IL1RAP: variants seen among roughly 807,000 people sequenced by gnomAD.
The protein encoded by IL1RAP is interleukin-1 receptor accessory protein.
In IL1RAP, 35 loss-of-function variants were observed where a neutral mutation model predicts 60.7. The observed-to-expected ratio is 0.58, with a 90% CI of 0.44 to 0.76. The LOEUF (loss-of-function observed/expected upper bound fraction) is 0.76. IL1RAP is among the 30% of genes least tolerant of loss of function. The pLI is 0.00. For synonymous variants in IL1RAP, 268 were observed against 250.9 expected, an observed-to-expected ratio of 1.07 and a Z score of -0.64; for missense variants, 572 against 693.9, an observed-to-expected ratio of 0.82 and a Z score of 1.97.
rs1734386277 is a variant in IL1RAP, at chr3:190,651,308, A to G, written c.*2603A>G. On this transcript the variant is annotated 3_prime_UTR_variant, in exon 12 of 12. Transcript: ENST00000447382. The stretch of plus-strand genomic sequence containing the variant: ...AATTCTCTTCTGTATTGTAACTTAG[A>G]TGATTCCCAAGGACTCTAATAAAAA... 4 of 944,194 alleles carry G rather than the reference A, an allele frequency of 4.2e-6. No individual in the cohort carries two copies. The South Asian group carries it at 2.0e-4, about 46-fold the overall frequency. 58.5% of individuals were successfully genotyped at this position (944,194 alleles called of 1,614,324 possible). A position where few individuals can be genotyped will look rare whatever the true frequency, so the allele number is the denominator to read the frequency against.
At chr3:190,520,724 C>A (rs1231661279) in intron 1 of IL1RAP, among the ~76,000 whole-genome samples, 2 of 152,140 alleles carry the variant, frequency 1.3e-5, no homozygotes, top group Non-Finnish European at 2.9e-5. Flanking sequence ...CCTTTTATGT[C>A]TAGTTTATAT....
chr3:190,587,772 G>A (rs994037136), intron 3 of IL1RAP, among the ~76,000 whole-genome samples: 1 of 152,146 alleles, frequency 6.6e-6, no homozygotes, highest in African/African-American at 2.4e-5. Flanking sequence ...AAACCAAGGG[G>A]CTGAGTAAGA....
At chr3:190,642,038 C>G (rs1733695480) in intron 9 of IL1RAP, 1 of 152,140 alleles carries the variant, frequency 6.6e-6, no homozygotes, top group South Asian at 2.1e-4. Flanking sequence ...GATTAATATC[C>G]CCAGTTTAGG....
chr3:190,586,730 T>G (rs1728494506), intron 3 of IL1RAP, among the ~76,000 whole-genome samples: 1 of 151,944 alleles, frequency 6.6e-6, no homozygotes, highest in South Asian at 2.1e-4. Flanking sequence ...GGAGCTGCCT[T>G]CGAGGACAGC....
At chr3:190,541,291 C>T (rs1723915166) in intron 1 of IL1RAP, among the ~76,000 whole-genome samples, 1 of 152,038 alleles carries the variant, frequency 6.6e-6, no homozygotes, top group Admixed American at 6.6e-5. Flanking sequence ...GCTTAGCCTT[C>T]AAAAGGATTT....
intron 1 of IL1RAP, among the ~76,000 whole-genome samples, chr3:190,532,878 T>C (rs184882892): frequency 6.6e-6 from 1 of 152,182 alleles, no homozygotes; most frequent in Admixed American, 6.5e-5. Context: ...CTTTTCTCCT[T>C]TTTCAATTTC....
intron 3 of IL1RAP, 141 bp from the exon 4 acceptor site, chr3:190,603,987 A>G (rs1730073806): frequency 3.9e-6 from 3 of 764,542 alleles, no homozygotes; most frequent in East Asian, 2.7e-5. Flanking sequence ...ACTGTATGCA[A>G]TTATTAGAGG....
At position 190,645,695 on chromosome 3, in the gene IL1RAP, C is replaced by T; in HGVS notation, c.1202-4C>T. 6.2e-7 allele frequency: 1 copy of T among 1,602,960 alleles called. No individual in the cohort carries two copies. Among genetic ancestry groups the T allele is most frequent in the Non-Finnish European group, 8.5e-7 (1 of 1,172,858 alleles). ...TTACATTGTATCTGTGTTCCTTTTG[C>T]TAGATGGAAAAGAGTATGATATTTA... On this transcript the variant is annotated splice_region_variant and splice_polypyrimidine_tract_variant and intron_variant, in intron 10 of 11. Transcript: ENST00000447382.
rs36196626 is a variant in IL1RAP, at chr3:190,522,419, G to GTATCTATCTATC, written c.-89+8234_-89+8245dup. Among the ~76,000 whole-genome samples, 332 of 142,746 alleles carry GTATCTATCTATC rather than the reference G, an allele frequency of 2.3e-3. 4 individuals carry two copies. The highest frequency in any genetic ancestry group is 6.9e-3 in the African/African-American group (262 of 37,810). The allele number at this position is 142,746 out of a possible 152,430, so 93.6% of individuals were successfully genotyped here. On this transcript the variant is annotated intron_variant, in intron 1 of 11. Coordinates refer to ENST00000447382, the MANE Select transcript of IL1RAP (RefSeq NM_002182.4). ...TCTATGTATCTATCTATGTATCTAT[G>GTATCTATCTATC]TATCTATCTATCTATCTATCTATCT...
intron 1 of IL1RAP, among the ~76,000 whole-genome samples, chr3:190,536,558 T>A (rs995563160): frequency 6.6e-6 from 1 of 152,144 alleles, no homozygotes; most frequent in African/African-American, 2.4e-5. Flanking sequence ...CTGAAGAAAA[T>A]TACCGTAAGC....
At chr3:190,645,925 G>T (rs1733982897) in intron 11 of IL1RAP, 83 bp downstream of exon 11, 1 of 1,173,022 alleles carries the variant, frequency 8.5e-7, no homozygotes, top group African/African-American at 1.5e-5. Context: ...AGAGAGTCAT[G>T]GCACAGCATC....
intron 3 of IL1RAP, among the ~76,000 whole-genome samples, chr3:190,591,820 A>C (rs1041391682): frequency 9.2e-5 from 14 of 152,164 alleles, no homozygotes; most frequent in African/African-American, 2.9e-4. Flanking sequence ...AAAAACCCCC[A>C]CAAAAACAAG....
At chr3:190,569,176 A>G (rs1439460939) in intron 3 of IL1RAP, among the ~76,000 whole-genome samples, 1 of 152,226 alleles carries the variant, frequency 6.6e-6, no homozygotes, top group African/African-American at 2.4e-5. Context: ...AGGTAAAGAG[A>G]ATGTCCACAT....
chr3:190,522,289 G>GCTTCCTTTCCTTC (rs1553824622), intron 1 of IL1RAP, among the ~76,000 whole-genome samples: 7 of 135,364 alleles, frequency 5.2e-5, no homozygotes, highest in Non-Finnish European at 1.6e-5. Context: ...GCCTTCCTTT[G>GCTTCCTTTCCTTC]CTTCCTTCCT....
chr3:190,590,710 GC>G (rs1728873065), intron 3 of IL1RAP, among the ~76,000 whole-genome samples: 1 of 152,198 alleles, frequency 6.6e-6, no homozygotes, highest in Non-Finnish European at 1.5e-5. Flanking sequence ...AACACATGCA[GC>G]GTTATCTTTT....
Position 190,645,749 on chromosome 3 carries a change from G to A in IL1RAP, c.1252G>A (p.Glu418Lys), listed in dbSNP as rs770970743. 1 of 1,613,154 alleles carries A rather than the reference G, an allele frequency of 6.2e-7. No homozygotes were observed. Among genetic ancestry groups the A allele is most frequent in the Non-Finnish European group, 8.5e-7 (1 of 1,179,142 alleles). The change falls in exon 11 of 12, where the codon GAA becomes AAA. Residue 418 changes from glutamate to lysine, a missense_variant. Physicochemically the swap from Glu to Lys is moderately conservative, Grantham distance 56. Coordinates refer to ENST00000447382, the MANE Select transcript of IL1RAP (RefSeq NM_002182.4). The part of the protein sequence containing the change: ...YVSYARNAEE[E>K]EFVLLTLRGV... ...ATCCTATGCAAGGAATGCGGAAGAAGAAGAATTTGTATTACTGACCCTCCG... is the reference window on the plus strand; with the variant it reads ...ATCCTATGCAAGGAATGCGGAAGAAAAAGAATTTGTATTACTGACCCTCCG...
intron 11 of IL1RAP, among the ~76,000 whole-genome samples, chr3:190,646,480 T>G (rs1000149641): frequency 6.6e-6 from 1 of 152,186 alleles, no homozygotes. Flanking sequence ...AATTTTATAA[T>G]AGCCAGTGTA....
intron 3 of IL1RAP, among the ~76,000 whole-genome samples, chr3:190,568,675 A>AAGCC (rs1326698964): frequency 3.3e-5 from 5 of 152,336 alleles, no homozygotes; most frequent in Admixed American, 1.3e-4. Flanking sequence ...TTTATAAACC[A>AAGCC]AGCCAACCAA....
chr3:190,623,786 TG>T (rs1264432172), intron 7 of IL1RAP, among the ~76,000 whole-genome samples: 2 of 152,202 alleles, frequency 1.3e-5, no homozygotes, highest in Non-Finnish European at 2.9e-5. Flanking sequence ...AGGTCAGTGG[TG>T]GATCTTGAAG....
Sources: gnomAD v4.1 joint callset for allele counts (sites outside exome capture counted in the v4.1 genomes callset) on GRCh38, gnomAD v4.1.1 for gene constraint, MANE v1.5 for transcripts, NCBI Gene and HGNC (gene_info 2026-07-23, HGNC 2026-07-21) for gene names.